The following EDNRA variants were observed in gnomAD, a reference collection of about 807,000 sequenced individuals.
EDNRA encodes endothelin-1 receptor.
In EDNRA, 11 loss-of-function variants were observed where a neutral mutation model predicts 41.4. The observed-to-expected ratio is 0.27, with a 90% CI of 0.17 to 0.44. The LOEUF is 0.44. Among genes scored for constraint, EDNRA ranks in the 20% least tolerant of loss-of-function variants. EDNRA has a pLI of 1.00. For missense variants in EDNRA, 294 were observed against 531.0 expected (o/e 0.55, Z 4.39); for synonymous variants, 172 against 183.0 (o/e 0.94, Z 0.49).
chr4:147,504,974 A>AAAAAAAAAAAAAAAAAAAAT (rs1729640235), intron 2 of EDNRA, among the ~76,000 whole-genome samples: 1 of 149,450 alleles, frequency 6.7e-6, no homozygotes, highest in Non-Finnish European at 1.5e-5. Flanking sequence ...AAAAAAAAAA[A>AAAAAAAAAAAAAAAAAAAAT]AAAGGATTCA....
chr4:147,510,710 A>G (rs1473184363), intron 2 of EDNRA, among the ~76,000 whole-genome samples: 1 of 152,194 alleles, frequency 6.6e-6, no homozygotes, highest in African/African-American at 2.4e-5. Context: ...TTCAAGGCAA[A>G]TAAATAGTCT....
intron 2 of EDNRA, chr4:147,488,120 T>A (rs702757): frequency 0.38 from 57,843 of 152,008 alleles, 12,340 homozygotes; most frequent in African/African-American, 0.59. Flanking sequence ...AAAATAATTA[T>A]CCATCTCTGC....
chr4:147,501,550 A>T (rs1477234267), intron 2 of EDNRA, among the ~76,000 whole-genome samples: 1 of 152,238 alleles, frequency 6.6e-6, no homozygotes, highest in African/African-American at 2.4e-5. Context: ...CCTTTAAAAG[A>T]TTCTTCTGTA....
rs1315176154 is a variant in EDNRA, at chr4:147,539,811, C to T, written c.901-6C>T. On this transcript the variant is annotated splice_polypyrimidine_tract_variant and splice_region_variant and intron_variant, in intron 5 of 7. Transcript: ENST00000651419. ...GTTGTCCTATTTTTTTCTCACTTTC[C>T]TTTAGCGTCGAGAAGTGGCAAAAAC... is the stretch of plus-strand genomic sequence containing the variant. The T allele has an allele frequency of 8.7e-6, 14 of 1,604,922 alleles. No individual in the cohort carries two copies. Among genetic ancestry groups the T allele is most frequent in the Non-Finnish European group, 1.2e-5 (14 of 1,177,916 alleles).
intron 3 of EDNRA, chr4:147,520,277 G>A: frequency 4.6e-6 from 2 of 438,076 alleles, no homozygotes; most frequent in Admixed American, 3.0e-5. Flanking sequence ...GTGAAAAGGA[G>A]ATTCCAGGAT....
At chr4:147,524,158 T>TAA (rs142376177) in intron 3 of EDNRA, among the ~76,000 whole-genome samples, 6 of 143,752 alleles carry the variant, frequency 4.2e-5, no homozygotes, top group African/African-American at 5.1e-5. Context: ...TCATAAAACT[T>TAA]AAAAAAAAAA....
intron 3 of EDNRA, among the ~76,000 whole-genome samples, chr4:147,525,852 T>C (rs1189781222): frequency 2.6e-5 from 4 of 152,238 alleles, no homozygotes; most frequent in African/African-American, 4.8e-5. Flanking sequence ...CTTTGTTTTA[T>C]ATGGCTGAAA....
rs879435509 is a variant in EDNRA at position 147,481,120 on chromosome 4, TGTGGAGAGGCG to T, written c.-316_-306del. 1 of 152,280 alleles carries T rather than the reference TGTGGAGAGGCG, an allele frequency of 6.6e-6. No individual in the cohort carries two copies. The highest frequency in any genetic ancestry group is 1.5e-5 in the Non-Finnish European group (1 of 68,106). The allele number at this position is 152,280 out of a possible 1,614,324, so 9.4% of individuals were successfully genotyped here. On this transcript the variant is annotated 5_prime_UTR_variant, in exon 1 of 8. Transcript: ENST00000651419. ...ACAGTCATCCCGCTGGTCTGACGAT[TGTGGAGAGGCG>T]GTGGAGAGGCTTCATCCATCCCACC...
At chr4:147,505,990 C>T in intron 2 of EDNRA, 2 of 367,266 alleles carry the variant, frequency 5.4e-6, no homozygotes, top group South Asian at 4.4e-5. Context: ...CCATAAGACC[C>T]AGCAGTTGCA....
intron 5 of EDNRA, 71 bp from the exon 6 acceptor site, chr4:147,539,746 G>A (rs775472484): frequency 3.1e-5 from 47 of 1,522,952 alleles, no homozygotes; most frequent in African/African-American, 4.2e-5. Flanking sequence ...CTACTTCTTG[G>A]TACTGTAGTT....
chr4:147,540,093 G>A, intron 6 of EDNRA, 143 bp downstream of exon 6: 2 of 1,170,788 alleles, frequency 1.7e-6, no homozygotes, highest in South Asian at 1.6e-5. Context: ...AGCTGACATA[G>A]CCTATAACTG....
At chr4:147,520,036 AAAG>A (rs1311043577) in intron 3 of EDNRA, 58 bp downstream of exon 3, 4 of 1,554,836 alleles carry the variant, frequency 2.6e-6, no homozygotes, top group Non-Finnish European at 2.6e-6. Context: ...TTTTTCTCAA[AAAG>A]AAGAAAAGTC....
In EDNRA at chr4:147,532,620, G is replaced by C; in HGVS notation, c.663G>C (p.Ala221=). The change falls in exon 4 of 8, where the codon GCG becomes GCC. Residue 221 remains alanine, a synonymous_variant. Transcript: ENST00000651419. The stretch of plus-strand genomic sequence containing the variant: ...CCTTTATCCTGGCCATTCCTGAAGC[G>C]ATTGGCTTCGTCATGGTACCCTTTG... ...ILSFILAIPE[A]IGFVMVPFEY... is the part of the protein sequence containing the mutation. The C allele has an allele frequency of 6.2e-7, 1 of 1,614,050 alleles. No homozygotes were observed. The highest frequency in any genetic ancestry group is 1.1e-5 in the South Asian group (1 of 91,062).
chr4:147,530,492 G>A (rs538233716), intron 3 of EDNRA, among the ~76,000 whole-genome samples: 1 of 152,266 alleles, frequency 6.6e-6, no homozygotes, highest in South Asian at 2.1e-4. Context: ...TTGCATAGCT[G>A]TATTTTATCC....
chr4:147,507,590 G>T (rs553093431), intron 2 of EDNRA, among the ~76,000 whole-genome samples: 35 of 152,184 alleles, frequency 2.3e-4, no homozygotes, highest in Admixed American at 5.9e-4. Flanking sequence ...AGGGATCCTT[G>T]CGGTGATAAA....
rs1729660192 is a variant in EDNRA, at chr4:147,505,326, C to CTTTTTTTTTTTTTTTTT, written c.421-14525_421-14524insTTTTTTTTTTTTTTTTT. Among the ~76,000 whole-genome samples, 37 of 81,974 alleles carry CTTTTTTTTTTTTTTTTT rather than the reference C, an allele frequency of 4.5e-4. 2 individuals carry two copies. Among genetic ancestry groups the CTTTTTTTTTTTTTTTTT allele is most frequent in the African/African-American group, 1.9e-3 (35 of 18,388 alleles). The allele number at this position is 81,974 out of a possible 152,430, so 53.8% of individuals were successfully genotyped here. A position where few individuals can be genotyped will look rare whatever the true frequency, so the allele number is the denominator to read the frequency against. Reference sequence around the variant, plus strand: ...AAGAGAGTTTGGCAGTTTCTTTTTTCATTTTTTTTTTTTTTTTTTTTTTTT... The same window carrying CTTTTTTTTTTTTTTTTT: ...AAGAGAGTTTGGCAGTTTCTTTTTTCTTTTTTTTTTTTTTTTTATTTTTTTTTTTTTTTTTTTTTTTT... On this transcript the variant is annotated intron_variant, in intron 2 of 7. Transcript: ENST00000651419.
chr4:147,483,447 T>C (rs916266548), intron 1 of EDNRA, among the ~76,000 whole-genome samples: 1 of 152,178 alleles, frequency 6.6e-6, no homozygotes, highest in Non-Finnish European at 1.5e-5. Flanking sequence ...AGATAACAGA[T>C]ACATATATAA....
rs200923037 is a variant in EDNRA, at chr4:147,544,693, T to C, written c.*2075T>C. ...GGTTCACACCATTTTGTTTAGACAATTGTCTTTTTTTCAAGATGCTTTGTT... is the reference window on the plus strand; with the variant it reads ...GGTTCACACCATTTTGTTTAGACAACTGTCTTTTTTTCAAGATGCTTTGTT... On this transcript the variant is annotated 3_prime_UTR_variant, in exon 8 of 8. Coordinates refer to ENST00000651419, the MANE Select transcript of EDNRA (RefSeq NM_001957.4). 6 of 152,636 alleles carry C rather than the reference T, an allele frequency of 3.9e-5. No homozygotes were observed. In the South Asian group the frequency reaches 1.2e-3, roughly 32 times the overall value. 9.5% of individuals were successfully genotyped at this position (152,636 alleles called of 1,614,324 possible).
At chr4:147,518,905 C>G (rs1055058005) in intron 2 of EDNRA, among the ~76,000 whole-genome samples, 4 of 152,142 alleles carry the variant, frequency 2.6e-5, no homozygotes, top group Non-Finnish European at 5.9e-5. Context: ...ACTTCCTTCC[C>G]CCTTTTAGGT....
Sources: gnomAD v4.1 joint callset for allele counts (sites outside exome capture counted in the v4.1 genomes callset) on GRCh38, gnomAD v4.1.1 for gene constraint, MANE v1.5 for transcripts, NCBI Gene and HGNC (gene_info 2026-07-23, HGNC 2026-07-21) for gene names.